The following MREG variants were observed in gnomAD, a reference collection of about 807,000 sequenced individuals.
MREG encodes the protein melanoregulin.
Under a neutral mutation model 28.5 loss-of-function variants are expected in MREG, and 31 were observed. The ratio of observed to expected loss-of-function variants is 1.09; its 90% confidence interval spans 0.82 to 1.47. The LOEUF is 1.47. Among genes scored for constraint, MREG ranks in the 40% most tolerant of loss-of-function variants. The pLI, the probability that MREG is intolerant of heterozygous loss-of-function variation, is 0.00. For synonymous variants in MREG, 106 were observed against 95.2 expected, an observed-to-expected ratio of 1.11 and a Z score of -0.66; for missense variants, 256 against 257.4, an observed-to-expected ratio of 0.99 and a Z score of 0.04.
intron 1 of MREG, among the ~76,000 whole-genome samples, chr2:215,996,777 CT>C (rs35148406): frequency 4.7e-5 from 7 of 148,982 alleles, no homozygotes; most frequent in Admixed American, 6.7e-5. Flanking sequence ...AAATTCAATT[CT>C]TTTTTTTTTT....
At chr2:216,009,708 T>C (rs1178899845) in intron 1 of MREG, among the ~76,000 whole-genome samples, 1 of 152,108 alleles carries the variant, frequency 6.6e-6, no homozygotes, top group Non-Finnish European at 1.5e-5. Flanking sequence ...GCTAATTTTT[T>C]TTATTTTTAA....
At chr2:215,994,036 A>G (rs542048966) in intron 2 of MREG, among the ~76,000 whole-genome samples, 1 of 151,596 alleles carries the variant, frequency 6.6e-6, no homozygotes, top group South Asian at 2.1e-4. Flanking sequence ...CAGAAATACC[A>G]TTTGACCCAG....
intron 2 of MREG, among the ~76,000 whole-genome samples, chr2:215,978,701 C>A (rs545805177): frequency 6.6e-6 from 1 of 152,362 alleles, no homozygotes; most frequent in Admixed American, 6.5e-5. Flanking sequence ...AAGTCAGCTT[C>A]ATCCCTGGGA....
intron 2 of MREG, among the ~76,000 whole-genome samples, chr2:215,994,451 T>C (rs1186341961): frequency 1.3e-5 from 2 of 151,520 alleles, no homozygotes; most frequent in South Asian, 2.1e-4. Context: ...TTCGGAGAAA[T>C]ACCTATTGTA....
chr2:216,028,436 G>A (rs960233096), intron 1 of MREG, among the ~76,000 whole-genome samples: 11 of 149,532 alleles, frequency 7.4e-5, no homozygotes, highest in African/African-American at 2.7e-4. Context: ...GCGGAGGCAG[G>A]AGAATGTCAT....
rs113105008 is a variant in MREG, at chr2:216,009,180, A to G, written c.95+4053T>C. Among the ~76,000 whole-genome samples the G allele has an allele frequency of 3.6e-3, 552 of 152,286 alleles. 4 individuals are homozygous for G. Among genetic ancestry groups the G allele is most frequent in the African/African-American group, 0.013 (525 of 41,552 alleles). ...GTTTTATGTGTTTCTGCCTAAAGAC[A>G]CCTTATTTAATATATATTGTTGCTC... On this transcript the variant is annotated intron_variant, in intron 1 of 4. Coordinates refer to ENST00000263268, the MANE Select transcript of MREG (RefSeq NM_018000.3).
intron 2 of MREG, among the ~76,000 whole-genome samples, chr2:215,961,755 A>G (rs890075953): frequency 2.0e-5 from 3 of 152,062 alleles, no homozygotes; most frequent in Non-Finnish European, 4.4e-5. Flanking sequence ...AGAGCTATCT[A>G]CTTGCCCTTT....
intron 1 of MREG, among the ~76,000 whole-genome samples, chr2:216,029,409 T>C (rs1260737534): frequency 6.6e-6 from 1 of 152,016 alleles, no homozygotes; most frequent in Non-Finnish European, 1.5e-5. Context: ...ACCTGGGAGG[T>C]AGAGGTTGCA....
At chr2:215,994,877 T>TGA (rs1047657492) in intron 2 of MREG, among the ~76,000 whole-genome samples, 2 of 151,454 alleles carry the variant, frequency 1.3e-5, no homozygotes, top group African/African-American at 4.9e-5. Flanking sequence ...GGGGCCCTGG[T>TGA]GAGAGAGAGA....
At chr2:215,956,569 C>G (rs1328327260) in intron 2 of MREG, among the ~76,000 whole-genome samples, 3 of 152,140 alleles carry the variant, frequency 2.0e-5, no homozygotes, top group Non-Finnish European at 4.4e-5. Flanking sequence ...GATAGTATCT[C>G]ACTCTGTTGC....
chr2:216,003,697 C>G (rs1277458704), intron 1 of MREG, among the ~76,000 whole-genome samples: 1 of 152,174 alleles, frequency 6.6e-6, no homozygotes, highest in African/African-American at 2.4e-5. Flanking sequence ...AGGCTCCCCA[C>G]TCAGATGATG....
rs1265665357 is a variant in MREG, at chr2:215,974,850, A to ACT, written c.255+21455_255+21456insAG. 5.4e-3 allele frequency among the ~76,000 whole-genome samples: 724 copies of ACT among 132,972 alleles called. 1 individual carries two copies. Among genetic ancestry groups the ACT allele is most frequent in the Non-Finnish European group, 9.1e-3 (558 of 61,324 alleles). 87.2% of individuals were successfully genotyped at this position (132,972 alleles called of 152,430 possible). A position where few individuals can be genotyped will look rare whatever the true frequency, so the allele number is the denominator to read the frequency against. On this transcript the variant is annotated intron_variant, in intron 2 of 4. Coordinates refer to ENST00000263268, the MANE Select transcript of MREG (RefSeq NM_018000.3). ...GACACACACACACACACACACACAC[A>ACT]CACTCTCTCTCTCTCTCTCTCTCTC...
chr2:215,974,825 G>GACACACAC (rs71982102), intron 2 of MREG, among the ~76,000 whole-genome samples: 24 of 126,700 alleles, frequency 1.9e-4, no homozygotes, highest in African/African-American at 6.5e-4. Context: ...CACACACACA[G>GACACACAC]ACACACACAC....
At chr2:215,946,135 G>A (rs1199462804) in intron 3 of MREG, among the ~76,000 whole-genome samples, 1 of 151,322 alleles carries the variant, frequency 6.6e-6, no homozygotes, top group Non-Finnish European at 1.5e-5. Flanking sequence ...TCCAAACCTG[G>A]ATTTTCTTCC....
chr2:215,979,645 G>A (rs1270331724), intron 2 of MREG, among the ~76,000 whole-genome samples: 2 of 151,930 alleles, frequency 1.3e-5, no homozygotes, highest in African/African-American at 2.4e-5. Context: ...ACTGAGAAAA[G>A]TCACTTAACC....
chr2:216,012,120 G>A (rs940003574), intron 1 of MREG, among the ~76,000 whole-genome samples: 3 of 152,178 alleles, frequency 2.0e-5, no homozygotes, highest in Admixed American at 6.5e-5. Flanking sequence ...AGAGGAAGAT[G>A]GATAAGGGCA....
At chr2:215,992,567 C>A (rs1249944494) in intron 2 of MREG, among the ~76,000 whole-genome samples, 1 of 152,118 alleles carries the variant, frequency 6.6e-6, no homozygotes, top group Admixed American at 6.5e-5. Context: ...CTGGCCAGGG[C>A]AATCAGGCAA....
In MREG at chr2:215,944,912, AG is replaced by A; in HGVS notation, c.595del (p.Leu199TrpfsTer52). On this transcript the variant is annotated frameshift_variant, in exon 5 of 5. Transcript: ENST00000263268. LOFTEE classifies it high-confidence loss of function. ...TYPKKPGVPC[L>X]ADGQKELHYL... is the part of the protein sequence containing the mutation. ...GTGCAGTTCTTTCTGGCCATCTGCCAGGCATGGAACCCCAGGCTTCTTGGGG... is the reference window on the plus strand; with the variant it reads ...GTGCAGTTCTTTCTGGCCATCTGCCAGCATGGAACCCCAGGCTTCTTGGGG... 2 of 1,608,570 alleles carry A rather than the reference AG, an allele frequency of 1.2e-6. No individual in the cohort carries two copies. The highest frequency in any genetic ancestry group is 1.7e-6 in the Non-Finnish European group (2 of 1,175,442).
At chr2:215,947,531 G>A (rs1013725389) in intron 2 of MREG, among the ~76,000 whole-genome samples, 3 of 152,286 alleles carry the variant, frequency 2.0e-5, no homozygotes, top group Admixed American at 1.3e-4. Context: ...TATAGATACA[G>A]TAACTGAGGC....
Sources: allele counts gnomAD v4.1 joint callset (sites outside exome capture counted in the v4.1 genomes callset), GRCh38; gene constraint gnomAD v4.1.1; transcripts MANE v1.5; gene names NCBI Gene and HGNC (gene_info 2026-07-23, HGNC 2026-07-21).